MARCHF3: variants seen among roughly 807,000 people sequenced by gnomAD.
MARCHF3 encodes membrane associated ring-CH-type finger 3.
A neutral mutation model predicts 24.2 loss-of-function variants in MARCHF3; 13 were observed. The observed-to-expected ratio is 0.54, with a 90% CI of 0.35 to 0.85. The LOEUF is 0.85. Ranked by LOEUF, MARCHF3 falls within the 40% of genes least tolerant of loss-of-function variation. The pLI is 0.01. For missense variants in MARCHF3, 276 were observed against 325.0 expected, an observed-to-expected ratio of 0.85 and a Z score of 1.16; for synonymous variants, 144 against 137.3, an observed-to-expected ratio of 1.05 and a Z score of -0.34.
At chr5:126,913,252 A>G (rs1453462039) in intron 3 of MARCHF3, among the ~76,000 whole-genome samples, 1 of 152,224 alleles carries the variant, frequency 6.6e-6, no homozygotes, top group Non-Finnish European at 1.5e-5. Context: ...TTACTGGGGA[A>G]ACGCTAGTTA....
intron 3 of MARCHF3, chr5:126,899,007 C>T (rs895220895): frequency 2.2e-4 from 220 of 985,042 alleles, no homozygotes; most frequent in Non-Finnish European, 2.5e-4. Flanking sequence ...ATTTCTCTTT[C>T]GTGTTTTACA....
At chr5:126,923,930 C>T (rs1458905757) in intron 1 of MARCHF3, among the ~76,000 whole-genome samples, 1 of 151,528 alleles carries the variant, frequency 6.6e-6, no homozygotes, top group East Asian at 1.9e-4. Context: ...TTTATTCATC[C>T]TTCCATCCAT....
chr5:126,954,430 G>T (rs1252732688), intron 1 of MARCHF3, among the ~76,000 whole-genome samples: 1 of 151,670 alleles, frequency 6.6e-6, no homozygotes, highest in Non-Finnish European at 1.5e-5. Flanking sequence ...GAGTGCAGCG[G>T]CATGGCCATG....
In MARCHF3 at chr5:127,018,272, G is replaced by A. The variant is rs575380962; in HGVS notation, c.-57+12078C>T. ...TGTAATCCTAGCTGCTAGAGAGGCTGAGGCAGGAGAATCGCTTGAACCCAG... is the reference window on the plus strand; with the variant it reads ...TGTAATCCTAGCTGCTAGAGAGGCTAAGGCAGGAGAATCGCTTGAACCCAG... On this transcript the variant is annotated intron_variant, in intron 1 of 4. Transcript: ENST00000308660. 9.2e-5 allele frequency among the ~76,000 whole-genome samples: 14 copies of A among 152,324 alleles called. No individual in the cohort carries two copies. In the East Asian group the frequency reaches 2.7e-3, roughly 29 times the overall value.
intron 1 of MARCHF3, among the ~76,000 whole-genome samples, chr5:126,946,761 G>GGTGGGTGTGTGTGTGT (rs1554067633): frequency 2.2e-5 from 3 of 135,946 alleles, no homozygotes; most frequent in African/African-American, 8.4e-5. Flanking sequence ...TGTAAGTAGG[G>GGTGGGTGTGTGTGTGT]GTGTGTGTGT....
At chr5:126,946,809 T>G (rs1439014110) in intron 1 of MARCHF3, among the ~76,000 whole-genome samples, 1 of 150,566 alleles carries the variant, frequency 6.6e-6, no homozygotes, top group African/African-American at 2.4e-5. Context: ...TGTGTGTGTG[T>G]GGTGGAGGGG....
intron 3 of MARCHF3, among the ~76,000 whole-genome samples, chr5:126,880,665 A>G (rs1328845348): frequency 2.6e-5 from 4 of 152,216 alleles, no homozygotes; most frequent in African/African-American, 7.2e-5. Context: ...CTCTACTCTT[A>G]TTTAGATGTT....
chr5:126,964,616 T>A (rs1233450135), intron 1 of MARCHF3, among the ~76,000 whole-genome samples: 1 of 152,238 alleles, frequency 6.6e-6, no homozygotes, highest in East Asian at 1.9e-4. Context: ...CTTGTTGTCC[T>A]ACTATGGTTG....
At chr5:126,922,145 A>G (rs1320959681) in intron 1 of MARCHF3, among the ~76,000 whole-genome samples, 1 of 152,206 alleles carries the variant, frequency 6.6e-6, no homozygotes, top group Non-Finnish European at 1.5e-5. Context: ...GAAGGGAAGC[A>G]GGCTCTGCTC....
At position 126,996,712 on chromosome 5, in the gene MARCHF3, G is replaced by A. The variant is rs547576797; in HGVS notation, c.-57+33638C>T. ...CCATCAGTGTAATATTATCGTTACCGAGAAAACTGGAAATCACCTAAATGT... is the reference window on the plus strand; with the variant it reads ...CCATCAGTGTAATATTATCGTTACCAAGAAAACTGGAAATCACCTAAATGT... On this transcript the variant is annotated intron_variant, in intron 1 of 4. Transcript: ENST00000308660. Among the ~76,000 whole-genome samples, 120 of 151,856 alleles carry A rather than the reference G, an allele frequency of 7.9e-4. 2 individuals carry two copies. The highest frequency in any genetic ancestry group is 7.4e-3 in the Admixed American group (113 of 15,236).
rs1177008780 is a variant in MARCHF3, at chr5:126,918,230, AAGAG to A, written c.-56-7_-56-4del. ...CCACATTCATACAGGATTTCCATCT[AAGAG>A]AGATCAGAAAACAGTTTACTTGGGC... On this transcript the variant is annotated splice_region_variant and splice_polypyrimidine_tract_variant and intron_variant, in intron 1 of 4. Coordinates refer to ENST00000308660, the MANE Select transcript of MARCHF3 (RefSeq NM_178450.5). The A allele has an allele frequency of 5.3e-5, 80 of 1,519,024 alleles. 1 individual carries two copies. Among genetic ancestry groups the A allele is most frequent in the South Asian group, 4.9e-4 (38 of 77,194 alleles). 94.1% of individuals were successfully genotyped at this position (1,519,024 alleles called of 1,614,324 possible). A position where few individuals can be genotyped will look rare whatever the true frequency, so the allele number is the denominator to read the frequency against.
chr5:126,933,993 C>T (rs1254527615), intron 1 of MARCHF3, among the ~76,000 whole-genome samples: 2 of 152,146 alleles, frequency 1.3e-5, no homozygotes, highest in Non-Finnish European at 2.9e-5. Context: ...TTATTAGCTT[C>T]AAGGAATGAA....
chr5:126,917,913 T>C (rs748648653), intron 2 of MARCHF3, 71 bp downstream of exon 2: 28 of 1,500,012 alleles, frequency 1.9e-5, no homozygotes, highest in Non-Finnish European at 2.4e-5. Flanking sequence ...TACATTCCCA[T>C]TAGCATTTTC....
At chr5:126,903,293 T>C (rs537312681) in intron 3 of MARCHF3, among the ~76,000 whole-genome samples, 2 of 151,798 alleles carry the variant, frequency 1.3e-5, no homozygotes, top group South Asian at 2.1e-4. Context: ...CCTGGGGAAA[T>C]AGAGAGAGCA....
chr5:126,983,863 GCTTC>G (rs1561458973), intron 1 of MARCHF3, among the ~76,000 whole-genome samples: 2 of 152,144 alleles, frequency 1.3e-5, no homozygotes, highest in Non-Finnish European at 2.9e-5. Context: ...CTTATCTCCA[GCTTC>G]CTTCATCTTT....
chr5:127,001,144 A>G (rs529824384), intron 1 of MARCHF3, among the ~76,000 whole-genome samples: 221 of 151,764 alleles, frequency 1.5e-3, no homozygotes, highest in Middle Eastern at 3.4e-3. Context: ...AGGCTGAGGC[A>G]GGAGGATTGC....
intron 3 of MARCHF3, among the ~76,000 whole-genome samples, chr5:126,889,426 A>G (rs1753604163): frequency 6.6e-6 from 1 of 152,120 alleles, no homozygotes; most frequent in Admixed American, 6.5e-5. Flanking sequence ...AAATGGTACT[A>G]CACTTACATA....
intron 3 of MARCHF3, 177 bp downstream of exon 3, chr5:126,914,753 A>G: frequency 3.7e-6 from 2 of 545,740 alleles, no homozygotes; most frequent in Non-Finnish European, 6.4e-6. Flanking sequence ...GTCTGTCTAC[A>G]TCTCTCTTTC....
At chr5:126,874,652 T>G (rs1258694847) in intron 4 of MARCHF3, among the ~76,000 whole-genome samples, 5 of 151,930 alleles carry the variant, frequency 3.3e-5, no homozygotes, top group Non-Finnish European at 7.4e-5. Flanking sequence ...GATTTTGCCC[T>G]TTCTCTCTGG....
Sources: gnomAD v4.1 joint callset for allele counts (sites outside exome capture counted in the v4.1 genomes callset) on GRCh38, gnomAD v4.1.1 for gene constraint, MANE v1.5 for transcripts, NCBI Gene and HGNC (gene_info 2026-07-23, HGNC 2026-07-21) for gene names.